Variants in SPATA6L observed in about 807,000 individuals in gnomAD.
SPATA6L encodes the protein spermatogenesis associated 6-like protein.
In SPATA6L, 68 loss-of-function variants were observed where a neutral mutation model predicts 49.2. The ratio of observed to expected loss-of-function variants is 1.38; its 90% CI spans 1.14 to 1.69. The LOEUF is 1.69. Among genes scored for constraint, SPATA6L ranks in the 40% most tolerant of loss-of-function variants. SPATA6L has a pLI of 0.00. For missense variants in SPATA6L, 668 were observed against 464.3 expected, an observed-to-expected ratio of 1.44 and a Z score of -4.03; for synonymous variants, 198 against 165.7, an observed-to-expected ratio of 1.19 and a Z score of -1.50.
chr9:4,643,031 G>A (rs373529008), intron 3 of SPATA6L, among the ~76,000 whole-genome samples: 2 of 152,088 alleles, frequency 1.3e-5, no homozygotes, highest in Non-Finnish European at 2.9e-5. Context: ...TTATTTAGAT[G>A]GAGTCTGGCT....
chr9:4,616,500 A>G (rs971431806), intron 9 of SPATA6L, among the ~76,000 whole-genome samples: 4 of 152,206 alleles, frequency 2.6e-5, no homozygotes, highest in Non-Finnish European at 5.9e-5. Context: ...TGGCAAAAGC[A>G]TAAGACAGGA....
intron 3 of SPATA6L, among the ~76,000 whole-genome samples, chr9:4,643,387 T>C (rs184789176): frequency 3.3e-5 from 5 of 152,288 alleles, no homozygotes; most frequent in Admixed American, 3.3e-4. Context: ...CTGGATGCAG[T>C]AGAAGTATTG....
intron 9 of SPATA6L, among the ~76,000 whole-genome samples, chr9:4,606,005 C>T (rs1225155641): frequency 6.6e-6 from 1 of 152,140 alleles, no homozygotes; most frequent in Non-Finnish European, 1.5e-5. Flanking sequence ...TCGGGAAGCG[C>T]AAGGGGTCAG....
At chr9:4,664,387 T>C (rs1306691029) in intron 1 of SPATA6L, 2 of 167,020 alleles carry the variant, frequency 1.2e-5, no homozygotes, top group East Asian at 3.8e-4. Context: ...GTACAGCACA[T>C]TTTAGGTAAC....
Position 4,625,488 on chromosome 9 carries a change from G to C in SPATA6L, c.508C>G (p.Leu170Val). ...IFPLNTIKMK[L>V]KENNLNRLPK... ...AGTCTGTTGAGATTATTCTCCTTTA[G>C]TTTCATCTTTATAGTATTTAAGGGA... The change falls in exon 6 of 12, where the codon CTA (leucine) becomes GTA (valine). Residue 170 changes from leucine to valine, a missense_variant. Coordinates refer to ENST00000682582, the MANE Select transcript of SPATA6L (RefSeq NM_001353486.2). 1.2e-6 allele frequency: 2 copies of C among 1,613,916 alleles called. No individual in the cohort carries two copies. The highest frequency in any genetic ancestry group is 1.7e-6 in the Non-Finnish European group (2 of 1,179,976).
chr9:4,618,189 A>C, intron 8 of SPATA6L, 79 bp from the exon 9 acceptor site: 1 of 1,286,470 alleles, frequency 7.8e-7, no homozygotes, highest in Non-Finnish European at 1.1e-6. Context: ...GGGTTGGACA[A>C]GGAAGATAAC....
Position 4,618,877 on chromosome 9 carries a change from G to C in SPATA6L, c.794C>G (p.Ala265Gly), listed in dbSNP as rs771261299. The C allele has an allele frequency of 1.2e-6, 2 of 1,612,996 alleles. No individual in the cohort carries two copies. The highest frequency in any genetic ancestry group is 2.2e-5 in the South Asian group (2 of 90,964). Residue 265 changes from alanine to glycine, a missense_variant, in exon 8 of 12, where the codon GCA becomes GGA. Ala to Gly is a moderately conservative substitution (Grantham distance 60, BLOSUM62 0). Transcript: ENST00000682582. ...TRRASSLDSL[A>G]ANVKVIKEPD... ...TTCTAAAATTACCTTTACGTTAGCT[G>C]CAAGGCTGTCAAGAGAAGAAGCTAG...
chr9:4,605,900 C>T (rs1041793703), intron 9 of SPATA6L, among the ~76,000 whole-genome samples: 6 of 152,318 alleles, frequency 3.9e-5, no homozygotes, highest in South Asian at 2.1e-4. Context: ...TCTGAGGTAG[C>T]GGGTTCATCT....
In SPATA6L at chr9:4,662,705, C is replaced by T; in HGVS notation, c.40-669G>A. On this transcript the variant is annotated intron_variant, in intron 1 of 11. Transcript: ENST00000682582. This position sits in a 1 kb window ranked among gnomAD's most constrained non-coding sequence, Gnocchi z 4.9. ...CCCTGCGCTCCCTGCTGGCCATCGA[C>T]CTGTGGCTGTCCAAGAAGCTGGGGG... 1 of 1,601,796 alleles carries T rather than the reference C, an allele frequency of 6.2e-7. No homozygotes were observed. The highest frequency in any genetic ancestry group is 1.1e-5 in the South Asian group (1 of 91,086).
intron 9 of SPATA6L, among the ~76,000 whole-genome samples, chr9:4,609,597 A>T (rs28767582): frequency 3.3e-5 from 5 of 150,852 alleles, no homozygotes; most frequent in Non-Finnish European, 5.9e-5. Flanking sequence ...ATTCAACAAC[A>T]CTTCATGCTA....
intron 3 of SPATA6L, among the ~76,000 whole-genome samples, chr9:4,644,662 C>T (rs1587376334): frequency 8.3e-6 from 1 of 119,770 alleles, no homozygotes; most frequent in Non-Finnish European, 1.7e-5. Context: ...TCAGTATTCT[C>T]TCTCTCTCTC....
chr9:4,639,766 G>A (rs1043439135), intron 3 of SPATA6L, among the ~76,000 whole-genome samples: 2 of 152,212 alleles, frequency 1.3e-5, no homozygotes, highest in Non-Finnish European at 2.9e-5. Flanking sequence ...GAGACTTTAA[G>A]AGAAATAACA....
At chr9:4,641,764 A>G (rs1338208410) in intron 3 of SPATA6L, among the ~76,000 whole-genome samples, 3 of 152,138 alleles carry the variant, frequency 2.0e-5, no homozygotes, top group Admixed American at 1.3e-4. Context: ...ACACACATCA[A>G]ATTGTTTTGT....
intron 9 of SPATA6L, among the ~76,000 whole-genome samples, chr9:4,610,693 C>T (rs554366728): frequency 7.2e-5 from 11 of 152,196 alleles, no homozygotes; most frequent in African/African-American, 2.2e-4. Context: ...CCATAAAAAC[C>T]CTAGAAGAAA....
At chr9:4,638,465 A>G (rs10125757) in intron 3 of SPATA6L, among the ~76,000 whole-genome samples, 20,799 of 152,134 alleles carry the variant, frequency 0.14, 2,154 homozygotes, top group African/African-American at 0.29. Flanking sequence ...CGCCTGCCTC[A>G]GCCTCCCGAA....
chr9:4,597,650 G>T (rs77487758), downstream of SPATA6L, among the ~76,000 whole-genome samples: 1 of 152,204 alleles, frequency 6.6e-6, no homozygotes, highest in South Asian at 2.1e-4. Flanking sequence ...TCAGTGTGGA[G>T]GATGGGGCTC....
chr9:4,619,555 T>C (rs909426566), intron 7 of SPATA6L, among the ~76,000 whole-genome samples: 1 of 152,248 alleles, frequency 6.6e-6, no homozygotes, highest in African/African-American at 2.4e-5. Flanking sequence ...AAACTCATAT[T>C]TGAGCAGGCG....
chr9:4,595,309 T>G (rs964172260), downstream of SPATA6L, among the ~76,000 whole-genome samples: 5 of 152,272 alleles, frequency 3.3e-5, no homozygotes, highest in African/African-American at 1.2e-4. Flanking sequence ...AGCCCTGATG[T>G]CTAATCAGCC....
At chr9:4,608,591 A>C (rs1471707310) in intron 9 of SPATA6L, among the ~76,000 whole-genome samples, 2 of 138,316 alleles carry the variant, frequency 1.4e-5, no homozygotes, top group African/African-American at 6.3e-5. Context: ...TGTTCTTTGA[A>C]ACCAACGAGA....
Sources: allele counts gnomAD v4.1 joint callset (sites outside exome capture counted in the v4.1 genomes callset), GRCh38; gene constraint gnomAD v4.1.1; non-coding constraint Gnocchi (gnomAD v3.1); transcripts MANE v1.5; gene names NCBI Gene and HGNC (gene_info 2026-07-23, HGNC 2026-07-21).